Variants in CCDC171 observed in about 807,000 individuals in gnomAD.
The protein encoded by CCDC171 is coiled-coil domain containing 171.
Under a neutral mutation model 168.2 loss-of-function variants are expected in CCDC171, and 177 were observed. That is an observed-to-expected ratio of 1.05 (90% confidence interval 0.93 to 1.19). The LOEUF (loss-of-function observed/expected upper bound fraction) is 1.19, where lower values mean the gene tolerates loss of function less well. Ranked by LOEUF, CCDC171 falls within the 50% of genes most tolerant of loss-of-function variation. CCDC171 has a pLI of 0.00. For synonymous variants in CCDC171, 687 were observed against 540.8 expected, an observed-to-expected ratio of 1.27 and a Z score of -3.75; for missense variants, 1,991 against 1,539.0, an observed-to-expected ratio of 1.29 and a Z score of -4.91.
At chr9:15,720,460 C>A (rs1279045708) in intron 11 of CCDC171, among the ~76,000 whole-genome samples, 1 of 152,030 alleles carries the variant, frequency 6.6e-6, no homozygotes, top group Non-Finnish European at 1.5e-5. Flanking sequence ...AGTAGGAATT[C>A]AGTAAATTAG....
intron 11 of CCDC171, among the ~76,000 whole-genome samples, chr9:15,703,264 G>A (rs998675923): frequency 6.6e-6 from 1 of 152,134 alleles, no homozygotes; most frequent in Non-Finnish European, 1.5e-5. Context: ...TTTGATCTGC[G>A]CAGACCATTA....
chr9:15,967,454 A>G (rs1285313459), intron 25 of CCDC171, among the ~76,000 whole-genome samples: 2 of 152,200 alleles, frequency 1.3e-5, no homozygotes, highest in African/African-American at 4.8e-5. Context: ...ACAACGTGCA[A>G]TGTGCAATAT....
intron 21 of CCDC171, among the ~76,000 whole-genome samples, chr9:15,835,451 G>A (rs1413171523): frequency 6.6e-6 from 1 of 152,120 alleles, no homozygotes; most frequent in African/African-American, 2.4e-5. Flanking sequence ...TTTTGAGTTG[G>A]AGTTTCGCTT....
intron 6 of CCDC171, among the ~76,000 whole-genome samples, chr9:15,613,225 C>G (rs1286081380): frequency 6.6e-6 from 1 of 152,162 alleles, no homozygotes; most frequent in Non-Finnish European, 1.5e-5. Context: ...CATCATCAGT[C>G]TTTTTGATGA....
intron 16 of CCDC171, among the ~76,000 whole-genome samples, chr9:15,733,173 A>G (rs1167475653): frequency 1.3e-5 from 2 of 152,096 alleles, no homozygotes; most frequent in Non-Finnish European, 2.9e-5. Flanking sequence ...GTGTTTTCTT[A>G]TCGTCAAATT....
chr9:16,031,009 C>T lies in CCDC171; in HGVS notation n.999-4448C>T, dbSNP rs373343961. Among the ~76,000 whole-genome samples, 6 of 152,186 alleles carry T rather than the reference C, an allele frequency of 3.9e-5. No homozygotes were observed. In the South Asian group the frequency reaches 6.2e-4, roughly 16 times the overall value. On this transcript the variant is annotated intron_variant and non_coding_transcript_variant, in intron 6 of 9. Coordinates refer to the CCDC171 transcript ENST00000486641. ...TGGAGACAAAGAAGAAGAGCCAAGT[C>T]GAGTCTGGGGCCAGAGGTTTGAGTT...
intron 3 of CCDC171, among the ~76,000 whole-genome samples, chr9:16,007,208 T>G (rs924464295): frequency 2.0e-5 from 3 of 152,188 alleles, no homozygotes; most frequent in African/African-American, 7.2e-5. Flanking sequence ...TTTCATGTGT[T>G]TTTTGGCTGC....
chr9:15,629,560 C>T (rs927491010), intron 7 of CCDC171, among the ~76,000 whole-genome samples: 2 of 152,114 alleles, frequency 1.3e-5, no homozygotes, highest in African/African-American at 2.4e-5. Context: ...ATGGGTGTAC[C>T]TGAAAATGAC....
intron 24 of CCDC171, among the ~76,000 whole-genome samples, chr9:15,889,884 G>A (rs1371546053): frequency 6.6e-6 from 1 of 152,182 alleles, no homozygotes; most frequent in African/African-American, 2.4e-5. Flanking sequence ...GAGTCCAGTG[G>A]CTTGGTGGTT....
At chr9:15,979,764 T>G (rs1831735619) in intron 3 of CCDC171, among the ~76,000 whole-genome samples, 1 of 151,986 alleles carries the variant, frequency 6.6e-6, no homozygotes, top group Non-Finnish European at 1.5e-5. Flanking sequence ...TCTTGTGATA[T>G]CTTTATCTAG....
intron 24 of CCDC171, among the ~76,000 whole-genome samples, chr9:15,908,306 C>T (rs949756977): frequency 3.3e-5 from 5 of 152,136 alleles, no homozygotes; most frequent in Non-Finnish European, 5.9e-5. Flanking sequence ...ACATATACAC[C>T]ATGGAATACT....
chr9:15,918,810 T>C (rs1487868854), intron 24 of CCDC171, among the ~76,000 whole-genome samples: 1 of 151,654 alleles, frequency 6.6e-6, no homozygotes, highest in African/African-American at 2.4e-5. Context: ...GATTAGGTGT[T>C]AAGATTATAC....
intron 3 of CCDC171, among the ~76,000 whole-genome samples, chr9:16,003,074 C>A (rs982074632): frequency 1.3e-5 from 2 of 152,220 alleles, no homozygotes; most frequent in African/African-American, 4.8e-5. Context: ...ATACTGCTTA[C>A]TCACCATGTT....
chr9:15,560,860 GTGGTTTTATCTACCTT>G (rs1229264892), intron 1 of CCDC171, among the ~76,000 whole-genome samples: 3 of 151,956 alleles, frequency 2.0e-5, no homozygotes, highest in Non-Finnish European at 2.9e-5. Context: ...TCCCATCTTT[GTGGTTTTATCTACCTT>G]TGGTCTTTGT....
intron 7 of CCDC171, among the ~76,000 whole-genome samples, chr9:15,642,341 G>GTGTGTGTA (rs1554726445): frequency 9.8e-5 from 4 of 40,948 alleles, no homozygotes; most frequent in African/African-American, 2.6e-4. Flanking sequence ...ACGTGTGTGT[G>GTGTGTGTA]TGTATATATA....
Position 15,850,699 on chromosome 9 carries a change from C to T in CCDC171, c.3468+1752C>T, listed in dbSNP as rs896274771. Reference sequence around the variant, plus strand: ...AATGAATGAGTGATAAGGAGGTGGCCCAGAGAGTCCTCTGAAAGTCTCAGG... The same window carrying T: ...AATGAATGAGTGATAAGGAGGTGGCTCAGAGAGTCCTCTGAAAGTCTCAGG... On this transcript the variant is annotated intron_variant, in intron 23 of 25. Transcript: ENST00000380701. 8.6e-5 allele frequency among the ~76,000 whole-genome samples: 13 copies of T among 151,892 alleles called. No individual in the cohort carries two copies. In the South Asian group the frequency reaches 1.9e-3, roughly 22 times the overall value.
rs1172881915 is a variant in CCDC171, at chr9:15,746,219, A to AATT, written c.2671+591_2671+593dup. ...AGGTTCAATGAAAACTAATTGGACT[A>AATT]ATTATGGTCATTTCAGACACATTAA... is the stretch of plus-strand genomic sequence containing the variant. On this transcript the variant is annotated intron_variant, in intron 18 of 25. Coordinates refer to ENST00000380701, the MANE Select transcript of CCDC171 (RefSeq NM_173550.4). 3.3e-5 allele frequency among the ~76,000 whole-genome samples: 5 copies of AATT among 152,204 alleles called. No homozygotes were observed. The East Asian group carries it at 9.6e-4, about 29-fold the overall frequency.
intron 4 of CCDC171, among the ~76,000 whole-genome samples, chr9:15,587,169 C>G (rs1162280433): frequency 1.3e-5 from 2 of 152,154 alleles, no homozygotes; most frequent in Admixed American, 1.3e-4. Flanking sequence ...TTTCTACACT[C>G]TATGCCGGAT....
intron 4 of CCDC171, among the ~76,000 whole-genome samples, chr9:15,590,485 T>C (rs2041896124): frequency 6.6e-6 from 1 of 152,214 alleles, no homozygotes; most frequent in Non-Finnish European, 1.5e-5. Flanking sequence ...CCTTCTTTTC[T>C]AGGTGCTGAA....
Sources: allele counts gnomAD v4.1 joint callset (sites outside exome capture counted in the v4.1 genomes callset), GRCh38; gene constraint gnomAD v4.1.1; transcripts MANE v1.5; gene names NCBI Gene and HGNC (gene_info 2026-07-23, HGNC 2026-07-21).